ABCC1: variants seen among roughly 807,000 people sequenced by gnomAD.
ABCC1 encodes the protein ATP binding cassette subfamily C member 1 (ABCC1 blood group).
Under a neutral mutation model 172.9 loss-of-function variants are expected in ABCC1, and 83 were observed. The observed-to-expected ratio is 0.48, with a 90% CI of 0.40 to 0.58. The LOEUF is 0.58. ABCC1 is among the 20% of genes least tolerant of loss of function. The pLI, the probability that ABCC1 is intolerant of heterozygous loss-of-function variation, is 0.00. For missense variants in ABCC1, 1,817 were observed against 2,002.7 expected (o/e 0.91, Z 1.77); for synonymous variants, 937 against 825.2 (o/e 1.14, Z -2.32).
chr16:16,064,170 T>C (rs977213677), intron 12 of ABCC1, among the ~76,000 whole-genome samples: 2 of 152,000 alleles, frequency 1.3e-5, no homozygotes, highest in Non-Finnish European at 2.9e-5. Flanking sequence ...ATTCATTGGT[T>C]TTCCACGTTT....
intron 12 of ABCC1, among the ~76,000 whole-genome samples, chr16:16,064,270 C>T (rs2050029702): frequency 6.6e-6 from 1 of 152,174 alleles, no homozygotes; most frequent in African/African-American, 2.4e-5. Context: ...AGGCGAACTC[C>T]AGTCTCCTGC....
chr16:15,990,165 C>T (rs1192658783), intron 1 of ABCC1, among the ~76,000 whole-genome samples: 2 of 152,162 alleles, frequency 1.3e-5, no homozygotes, highest in Non-Finnish European at 2.9e-5. Context: ...AGTGATTCTC[C>T]TGCCTCAGCC....
chr16:16,021,975 C>T (rs976503429), intron 5 of ABCC1, among the ~76,000 whole-genome samples: 5 of 152,236 alleles, frequency 3.3e-5, no homozygotes, highest in Admixed American at 2.6e-4. Context: ...AGGAGGACAA[C>T]GGGACAACCT....
At chr16:16,002,247 C>G (rs1452732841) in intron 1 of ABCC1, among the ~76,000 whole-genome samples, 4 of 152,098 alleles carry the variant, frequency 2.6e-5, no homozygotes, top group Admixed American at 2.6e-4. Context: ...AAGCAAAGTA[C>G]GGAACATTAT....
At chr16:15,996,880 A>G (rs1286420064) in intron 1 of ABCC1, among the ~76,000 whole-genome samples, 9 of 152,156 alleles carry the variant, frequency 5.9e-5, no homozygotes, top group Non-Finnish European at 2.9e-5. Flanking sequence ...TGCCTTAGTC[A>G]TCATCATTCA....
chr16:16,027,475 C>A (rs1165038490), intron 5 of ABCC1, among the ~76,000 whole-genome samples: 1 of 151,800 alleles, frequency 6.6e-6, no homozygotes, highest in African/African-American at 2.4e-5. Context: ...GGGGTTTTTT[C>A]CCCCCCAAAC....
chr16:16,093,612 C>T (rs4148361), intron 19 of ABCC1, among the ~76,000 whole-genome samples: 61,238 of 151,900 alleles, frequency 0.4, 14,577 homozygotes, highest in Non-Finnish European at 0.53. Flanking sequence ...ACTGGGGCAC[C>T]CCCCTCTCTC....
intron 1 of ABCC1, among the ~76,000 whole-genome samples, chr16:15,993,878 G>T (rs535538298): frequency 6.6e-6 from 1 of 152,234 alleles, no homozygotes; most frequent in African/African-American, 2.4e-5. Context: ...CTCCGGCCCT[G>T]GAGATCTTGC....
At chr16:15,987,318 G>A (rs897760966) in intron 1 of ABCC1, among the ~76,000 whole-genome samples, 4 of 152,152 alleles carry the variant, frequency 2.6e-5, no homozygotes, top group Non-Finnish European at 4.4e-5. Context: ...TTACAGATGC[G>A]GAAACTGAGG....
intron 4 of ABCC1, among the ~76,000 whole-genome samples, chr16:16,015,172 G>A (rs981602428): frequency 1.4e-5 from 2 of 141,146 alleles, no homozygotes; most frequent in Non-Finnish European, 3.0e-5. Context: ...GCGGAGTCTC[G>A]CTCTGTCACC....
chr16:16,033,005 G>A, intron 5 of ABCC1, 104 bp from the exon 6 acceptor site: 1 of 1,132,820 alleles, frequency 8.8e-7, no homozygotes, highest in Non-Finnish European at 1.3e-6. Context: ...TAGTCCTCTG[G>A]AAGGAAGAGT....
At chr16:16,063,146 G>A (rs112041661) in intron 12 of ABCC1, among the ~76,000 whole-genome samples, 19 of 152,036 alleles carry the variant, frequency 1.2e-4, no homozygotes, top group African/African-American at 3.6e-4. Context: ...TCATTCTGCC[G>A]CCCAGGCTGG....
At chr16:15,983,387 G>A (rs1278587965) in intron 1 of ABCC1, among the ~76,000 whole-genome samples, 2 of 152,130 alleles carry the variant, frequency 1.3e-5, no homozygotes, top group South Asian at 4.1e-4. Flanking sequence ...TCAGCGCAGT[G>A]TGAAGGGACT....
At chr16:15,996,904 G>A (rs1292201339) in intron 1 of ABCC1, among the ~76,000 whole-genome samples, 4 of 152,114 alleles carry the variant, frequency 2.6e-5, no homozygotes, top group African/African-American at 9.7e-5. Context: ...CAGAAAACAT[G>A]ACGCTATGCA....
intron 5 of ABCC1, among the ~76,000 whole-genome samples, chr16:16,023,367 A>G (rs2048259816): frequency 6.6e-6 from 1 of 152,186 alleles, no homozygotes; most frequent in Non-Finnish European, 1.5e-5. Flanking sequence ...TCAAGTTAGC[A>G]TTTGATGAAT....
intron 7 of ABCC1, 126 bp downstream of exon 7, chr16:16,036,729 C>A: frequency 1.0e-6 from 1 of 954,528 alleles, no homozygotes; most frequent in Non-Finnish European, 1.6e-6. Context: ...GGGCAAGATG[C>A]CTCACTTCTC....
chr16:16,119,286 C>A (rs1161850489), intron 23 of ABCC1, among the ~76,000 whole-genome samples: 1 of 152,044 alleles, frequency 6.6e-6, no homozygotes, highest in South Asian at 2.1e-4. Flanking sequence ...ACAGAAAATA[C>A]AAAAATTAGC....
At chr16:16,137,334 C>T (rs2045952873) in intron 29 of ABCC1, among the ~76,000 whole-genome samples, 2 of 152,078 alleles carry the variant, frequency 1.3e-5, no homozygotes, top group Non-Finnish European at 2.9e-5. Flanking sequence ...ATGTTCCGTG[C>T]ATCCCTCATT....
chr16:16,053,090 G>A lies in ABCC1; in HGVS notation c.1473+274G>A, dbSNP rs141728538. ...CAAGATTGAGAGCTCCTGACACATG[G>A]TTAGACCTTGTAGGCCGGTGACTGG... On this transcript the variant is annotated intron_variant, in intron 11 of 30. Transcript: ENST00000399410. Among the ~76,000 whole-genome samples the A allele has an allele frequency of 1.7e-3, 254 of 152,268 alleles. 2 individuals are homozygous for A. The highest frequency in any genetic ancestry group is 5.8e-3 in the African/African-American group (242 of 41,540).
Sources: allele counts gnomAD v4.1 joint callset (sites outside exome capture counted in the v4.1 genomes callset), GRCh38; gene constraint gnomAD v4.1.1; transcripts MANE v1.5; gene names NCBI Gene and HGNC (gene_info 2026-07-23, HGNC 2026-07-21).